FKBP1B: variants seen among roughly 807,000 people sequenced by gnomAD.
The protein encoded by FKBP1B is FKBP prolyl isomerase 1B, also known as peptidyl-prolyl cis-trans isomerase FKBP1B.
A neutral mutation model predicts 13.5 loss-of-function variants in FKBP1B; 4 were observed. That is an observed-to-expected ratio of 0.30 (90% CI 0.15 to 0.68). FKBP1B has a LOEUF of 0.68. Among genes scored for constraint, FKBP1B ranks in the 30% least tolerant of loss-of-function variants. The pLI is 0.76. For synonymous variants in FKBP1B, 54 were observed against 53.6 expected, an observed-to-expected ratio of 1.01 and a Z score of -0.03; for missense variants, 93 against 136.2, an observed-to-expected ratio of 0.68 and a Z score of 1.58.
chr2:24,049,080 G>A (rs1055273868), upstream of FKBP1B, among the ~76,000 whole-genome samples: 4 of 152,160 alleles, frequency 2.6e-5, no homozygotes, highest in Non-Finnish European at 5.9e-5. Context: ...GCCTAGCGAG[G>A]GTAGGAACCT....
chr2:24,062,456 G>A (rs933552053), intron 3 of FKBP1B, among the ~76,000 whole-genome samples: 10 of 152,184 alleles, frequency 6.6e-5, no homozygotes, highest in African/African-American at 2.4e-4. Flanking sequence ...TGAGATTACA[G>A]GTGTGAGCCA....
chr2:24,054,921 G>A (rs980811470), intron 2 of FKBP1B, among the ~76,000 whole-genome samples: 2 of 152,140 alleles, frequency 1.3e-5, no homozygotes, highest in African/African-American at 4.8e-5. Flanking sequence ...TACATACATA[G>A]GGCAGCAGCT....
intron 2 of FKBP1B, among the ~76,000 whole-genome samples, chr2:24,056,189 C>T (rs1411461403): frequency 6.6e-6 from 1 of 151,750 alleles, no homozygotes; most frequent in East Asian, 1.9e-4. Flanking sequence ...GGTGTTTCAC[C>T]ATATTGGCCA....
chr2:24,037,462 T>C, the FKBP1B span, among the ~76,000 whole-genome samples: 1 of 152,226 alleles, frequency 6.6e-6, no homozygotes, highest in Non-Finnish European at 1.5e-5. Flanking sequence ...ATGCACCTGA[T>C]AAAATCATGA....
At chr2:24,049,309 C>T (rs1663738178), upstream of FKBP1B, among the ~76,000 whole-genome samples, 1 of 152,140 alleles carries the variant, frequency 6.6e-6, no homozygotes, top group Non-Finnish European at 1.5e-5. Flanking sequence ...TTCGAGGTTG[C>T]TGTGAGCTAT....
upstream of FKBP1B, among the ~76,000 whole-genome samples, chr2:24,046,719 C>G (rs1663637333): frequency 6.6e-6 from 1 of 152,016 alleles, no homozygotes; most frequent in Non-Finnish European, 1.5e-5. Flanking sequence ...AAACAAAAAT[C>G]ATACACAAGA....
At chr2:24,058,280 A>G (rs1311011857) in intron 2 of FKBP1B, among the ~76,000 whole-genome samples, 1 of 151,496 alleles carries the variant, frequency 6.6e-6, no homozygotes, top group Non-Finnish European at 1.5e-5. Context: ...TTATTATTCT[A>G]TCTTTCATAT....
chr2:24,037,634 G>A, the FKBP1B span: 7 of 1,542,358 alleles, frequency 4.5e-6, no homozygotes. Flanking sequence ...ACCGGCTGCA[G>A]GAGCTTTTAT....
At chr2:24,062,603 C>T (rs1664443227) in intron 3 of FKBP1B, among the ~76,000 whole-genome samples, 2 of 152,158 alleles carry the variant, frequency 1.3e-5, no homozygotes, top group South Asian at 4.1e-4. Flanking sequence ...TGTGAGCCAC[C>T]ACGGTTGGCC....
At chr2:24,036,834 G>A in the FKBP1B span, among the ~76,000 whole-genome samples, 1 of 152,194 alleles carries the variant, frequency 6.6e-6, no homozygotes, top group Non-Finnish European at 1.5e-5. Context: ...TAGATCATGT[G>A]ACCATGGAGA....
chr2:24,042,184 G>A, the FKBP1B span, among the ~76,000 whole-genome samples: 31 of 151,910 alleles, frequency 2.0e-4, no homozygotes, highest in African/African-American at 7.0e-4. Flanking sequence ...GGCAGATCAC[G>A]TGAGGTCAGG....
upstream of FKBP1B, among the ~76,000 whole-genome samples, chr2:24,048,684 A>T (rs1301988589): frequency 1.3e-5 from 2 of 152,232 alleles, no homozygotes; most frequent in South Asian, 4.2e-4. Flanking sequence ...AAAAAATTTT[A>T]AAAGTCCCAA....
At chr2:24,037,737 C>T in the FKBP1B span, 2 of 1,614,042 alleles carry the variant, frequency 1.2e-6, no homozygotes, top group African/African-American at 2.7e-5. Context: ...AAGAGGATTT[C>T]TTCCCATTAT....
chr2:24,060,788 A>C, intron 2 of FKBP1B, 26 bp from the exon 3 acceptor site: 1 of 1,570,116 alleles, frequency 6.4e-7, no homozygotes, highest in Non-Finnish European at 8.8e-7. Flanking sequence ...CCACAGCTCT[A>C]TTGCACCCGA....
chr2:24,054,002 C>A, intron 2 of FKBP1B, 53 bp downstream of exon 2: 1 of 1,551,370 alleles, frequency 6.4e-7, no homozygotes, highest in Non-Finnish European at 8.9e-7. Context: ...CAAGGCAGGG[C>A]TGTCCTCTGA....
chr2:24,033,515 C>T, the FKBP1B span, among the ~76,000 whole-genome samples: 2 of 152,146 alleles, frequency 1.3e-5, no homozygotes, highest in African/African-American at 2.4e-5. Context: ...CTAAGATGGA[C>T]AGATCACTTG....
the FKBP1B span, chr2:24,033,242 G>A: frequency 5.9e-6 from 3 of 511,714 alleles, no homozygotes; most frequent in South Asian, 3.1e-5. Flanking sequence ...AGCAGCCTGA[G>A]AGACACAATC....
chr2:24,061,570 AAGAATTTC>A (rs1387104659), intron 3 of FKBP1B, among the ~76,000 whole-genome samples: 1 of 152,210 alleles, frequency 6.6e-6, no homozygotes, highest in African/African-American at 2.4e-5. Context: ...CTTTTTTGAA[AAGAATTTC>A]AGAATTACAA....
chr2:24,038,200 A>T, the FKBP1B span: 1 of 1,614,108 alleles, frequency 6.2e-7, no homozygotes, highest in African/African-American at 1.3e-5. Context: ...TTCTTCCAAC[A>T]TTATTTCTCT....
Sources: gnomAD v4.1 joint callset for allele counts (sites outside exome capture counted in the v4.1 genomes callset) on GRCh38, gnomAD v4.1.1 for gene constraint, MANE v1.5 for transcripts, NCBI Gene and HGNC (gene_info 2026-07-23, HGNC 2026-07-21) for gene names.